Variants in NFIX observed in about 807,000 individuals in gnomAD.
NFIX encodes the protein nuclear factor 1 X-type.
In NFIX, 2 loss-of-function variants were observed where a neutral mutation model predicts 53.3. That is an observed-to-expected ratio of 0.04 (90% CI 0.02 to 0.12). The LOEUF (loss-of-function observed/expected upper bound fraction) is 0.12. NFIX is among the 10% of genes least tolerant of loss of function. NFIX has a pLI of 1.00. For synonymous variants in NFIX, 244 were observed against 289.0 expected, an observed-to-expected ratio of 0.84 and a Z score of 1.58; for missense variants, 310 against 674.5, an observed-to-expected ratio of 0.46 and a Z score of 5.99.
In NFIX at chr19:13,067,270, T is replaced by C. The variant is rs983293273; in HGVS notation, c.560-5777T>C. Among the ~76,000 whole-genome samples, 1 of 152,016 alleles carries C rather than the reference T, an allele frequency of 6.6e-6. No homozygotes were observed. Among genetic ancestry groups the C allele is most frequent in the South Asian group, 2.1e-4 (1 of 4,812 alleles). ...CAGAACAGAATGTACCCCCACTTGC[T>C]TCTGGAATGTCAGGCCTGGGAGGGC... On this transcript the variant is annotated intron_variant, in intron 2 of 10. Coordinates refer to ENST00000592199, the MANE Select transcript of NFIX (RefSeq NM_001365902.3). This position sits in a 1 kb window ranked among gnomAD's most constrained non-coding sequence, Gnocchi z 4.2.
In NFIX at chr19:13,009,719, G is replaced by A. The variant is rs755618062; in HGVS notation, c.27+13855G>A. Reference sequence around the variant, plus strand: ...CAAATGCTACTTGGCTCCAAGTGGGGTACTGATGGGCACTGAAAAACCGAT... The same window carrying A: ...CAAATGCTACTTGGCTCCAAGTGGGATACTGATGGGCACTGAAAAACCGAT... On this transcript the variant is annotated intron_variant, in intron 1 of 10. Coordinates refer to ENST00000592199, the MANE Select transcript of NFIX (RefSeq NM_001365902.3). This position sits in a 1 kb window ranked among gnomAD's most constrained non-coding sequence, Gnocchi z 4.7. Among the ~76,000 whole-genome samples, 9 of 152,228 alleles carry A rather than the reference G, an allele frequency of 5.9e-5. No homozygotes were observed. The highest frequency in any genetic ancestry group is 2.0e-4 in the Admixed American group (3 of 15,284).
At position 13,040,668 on chromosome 19, in the gene NFIX, C is replaced by G; in HGVS notation, c.559+15116C>G. On this transcript the variant is annotated intron_variant, in intron 2 of 10. Coordinates refer to ENST00000592199, the MANE Select transcript of NFIX (RefSeq NM_001365902.3). This position sits in a 1 kb window ranked among gnomAD's most constrained non-coding sequence, Gnocchi z 4.2. ...GTCAGAGATGACTGCCGTCCTCCAG[C>G]TGGTACATGTGCTTGCGGCTCTGGT... Among the ~76,000 whole-genome samples, 1 of 152,194 alleles carries G rather than the reference C, an allele frequency of 6.6e-6. No individual in the cohort carries two copies. Among genetic ancestry groups the G allele is most frequent in the East Asian group, 1.9e-4 (1 of 5,196 alleles).
rs966627632 is a variant in NFIX, at chr19:13,078,113, G to A, written c.956-500G>A. The stretch of plus-strand genomic sequence containing the variant: ...GTCCCTCCTGAGGGCTCATGGCTGT[G>A]TGCTCCCTTCCCTAAACGGGGCCCT... On this transcript the variant is annotated intron_variant, in intron 6 of 10. Coordinates refer to ENST00000592199, the MANE Select transcript of NFIX (RefSeq NM_001365902.3). This position sits in a 1 kb window ranked among gnomAD's most constrained non-coding sequence, Gnocchi z 4.7. 6.6e-6 allele frequency among the ~76,000 whole-genome samples: 1 copy of A among 152,138 alleles called. No individual in the cohort carries two copies. Among genetic ancestry groups the A allele is most frequent in the African/African-American group, 2.4e-5 (1 of 41,428 alleles).
rs575795260 is a variant in NFIX, at chr19:13,073,278, C to A, written c.623-144C>A. The A allele has an allele frequency of 8.7e-5, 80 of 914,630 alleles. No homozygotes were observed. The East Asian group carries it at 1.8e-3, about 21-fold the overall frequency. 56.7% of individuals were successfully genotyped at this position (914,630 alleles called of 1,614,324 possible). ...ATGGGGGCACACCTAGAGGATCCCC[C>A]CTGTTCGGTGTAGACCTGAGGGCTA... On this transcript the variant is annotated intron_variant, in intron 3 of 10. Transcript: ENST00000592199. The surrounding 1 kb of genome is among the most constrained non-coding windows in gnomAD (Gnocchi z 4.5).
At chr19:13,083,444 C>T (rs1273822004) in intron 8 of NFIX, among the ~76,000 whole-genome samples, 1 of 152,196 alleles carries the variant, frequency 6.6e-6, no homozygotes, top group Non-Finnish European at 1.5e-5. Flanking sequence ...GAAAGTGGGT[C>T]ATTTAGTCCC....
chr19:13,095,011 C>T lies in NFIX; in HGVS notation c.*362C>T, dbSNP rs758392157. The T allele has an allele frequency of 1.6e-4, 44 of 268,174 alleles. No individual in the cohort carries two copies. The highest frequency in any genetic ancestry group is 1.3e-3 in the Middle Eastern group (1 of 762). The allele number at this position is 268,174 out of a possible 1,614,324, so 16.6% of individuals were successfully genotyped here. A position where few individuals can be genotyped will look rare whatever the true frequency, so the allele number is the denominator to read the frequency against. ...GCCTTCTGGGGAAGGAACAAAGTCC[C>T]CAAACAAAGCAACCAGCACAATTCT... is the stretch of plus-strand genomic sequence containing the variant. On this transcript the variant is annotated 3_prime_UTR_variant, in exon 11 of 11. Coordinates refer to ENST00000592199, the MANE Select transcript of NFIX (RefSeq NM_001365902.3).
intron 10 of NFIX, among the ~76,000 whole-genome samples, chr19:13,091,275 T>A (rs2018120309): frequency 6.6e-6 from 1 of 151,764 alleles, no homozygotes; most frequent in South Asian, 2.1e-4. Flanking sequence ...CAAGAGCCCC[T>A]GGGGCCACCT....
intron 1 of NFIX, among the ~76,000 whole-genome samples, chr19:13,020,091 C>T (rs1286198451): frequency 3.9e-5 from 6 of 152,096 alleles, no homozygotes; most frequent in South Asian, 2.1e-4. Flanking sequence ...AGCCTTGAAT[C>T]GTATGAGGGA....
At chr19:13,059,807 G>A (rs1268084103) in intron 2 of NFIX, among the ~76,000 whole-genome samples, 3 of 122,322 alleles carry the variant, frequency 2.5e-5, no homozygotes, top group Admixed American at 1.9e-4. Flanking sequence ...TTTTTGAGAC[G>A]GAGTCTCACT....
In NFIX at chr19:12,995,960, G is replaced by C. The variant is rs982567552; in HGVS notation, c.27+96G>C. On this transcript the variant is annotated intron_variant, in intron 1 of 10. Coordinates refer to ENST00000592199, the MANE Select transcript of NFIX (RefSeq NM_001365902.3). ...GAGGGGACGCGCGGCGGCCGGGAAGGGGGGGCCGAGAGCCCGCGGGCCGCC... is the reference window on the plus strand; with the variant it reads ...GAGGGGACGCGCGGCGGCCGGGAAGCGGGGGCCGAGAGCCCGCGGGCCGCC... 5.0e-5 allele frequency: 22 copies of C among 443,432 alleles called. No individual in the cohort carries two copies. The East Asian group carries it at 9.6e-4, about 19-fold the overall frequency. The allele number at this position is 443,432 out of a possible 1,614,324, so 27.5% of individuals were successfully genotyped here.
In NFIX at chr19:13,088,097, ACTGCCCCAGACGGCGCCGC is replaced by A; in HGVS notation, c.1366_1384del (p.Ala456Ter). The A allele has an allele frequency of 6.5e-7, 1 of 1,536,462 alleles. No homozygotes were observed. The highest frequency in any genetic ancestry group is 8.7e-7 in the Non-Finnish European group (1 of 1,146,972). On this transcript the variant is annotated frameshift_variant, in exon 9 of 11. Transcript: ENST00000592199. LOFTEE classifies it high-confidence loss of function. The surrounding 1 kb of genome is among the most constrained non-coding windows in gnomAD (Gnocchi z 5.9). ...TATGCCTGATTCCAAATCCACCAGC[ACTGCCCCAGACGGCGCCGC>A]CTTGACTCCTCCATCACCTTGTAAG...
chr19:13,074,600 G>A (rs571572639), intron 5 of NFIX, among the ~76,000 whole-genome samples: 1 of 152,136 alleles, frequency 6.6e-6, no homozygotes, highest in Non-Finnish European at 1.5e-5. Context: ...GCTAGAGTGG[G>A]GGAGGGCCTG....
In NFIX at chr19:13,025,954, G is replaced by A. The variant is rs909572380; in HGVS notation, c.559+402G>A. Among the ~76,000 whole-genome samples, 2 of 152,180 alleles carry A rather than the reference G, an allele frequency of 1.3e-5. No homozygotes were observed. Among genetic ancestry groups the A allele is most frequent in the African/African-American group, 4.8e-5 (2 of 41,440 alleles). On this transcript the variant is annotated intron_variant, in intron 2 of 10. Transcript: ENST00000592199. The surrounding 1 kb of genome is among the most constrained non-coding windows in gnomAD (Gnocchi z 7.5). ...AATGAGTCAGAAGAAGTATTGAGGG[G>A]CAGGTGCTAGTTTTACTGCAGCTTC... is the stretch of plus-strand genomic sequence containing the variant.
chr19:13,073,549 G>A lies in NFIX; in HGVS notation c.697+53G>A. 1 of 1,473,040 alleles carries A rather than the reference G, an allele frequency of 6.8e-7. No homozygotes were observed. The highest frequency in any genetic ancestry group is 9.5e-7 in the Non-Finnish European group (1 of 1,051,874). 91.2% of individuals were successfully genotyped at this position (1,473,040 alleles called of 1,614,324 possible). A position where few individuals can be genotyped will look rare whatever the true frequency, so the allele number is the denominator to read the frequency against. ...GGATGGGGATTGAAAGTGAGGAGGT[G>A]GGACCTCATGGGATGTCCTCCTAAT... On this transcript the variant is annotated intron_variant, in intron 4 of 10. Transcript: ENST00000592199. The surrounding 1 kb of genome is among the most constrained non-coding windows in gnomAD (Gnocchi z 4.5).
At position 13,022,856 on chromosome 19, in the gene NFIX, A is replaced by G. The variant is rs920472665; in HGVS notation, c.28-2165A>G. ...TTGCTGGGTGGCTGCTGCCAAATGG[A>G]CCCGAGTGGGAGCCTGGAATGAAAA... is the stretch of plus-strand genomic sequence containing the variant. On this transcript the variant is annotated intron_variant, in intron 1 of 10. Transcript: ENST00000592199. This position sits in a 1 kb window ranked among gnomAD's most constrained non-coding sequence, Gnocchi z 4.5. 6.7e-6 allele frequency among the ~76,000 whole-genome samples: 1 copy of G among 149,700 alleles called. No homozygotes were observed. The highest frequency in any genetic ancestry group is 2.4e-5 in the African/African-American group (1 of 40,910).
intron 8 of NFIX, among the ~76,000 whole-genome samples, chr19:13,084,298 G>A (rs767404021): frequency 4.6e-5 from 7 of 152,140 alleles, no homozygotes; most frequent in African/African-American, 7.2e-5. Context: ...CAAAAAATTA[G>A]CTGGACGTGG....
chr19:13,020,142 C>T (rs1361115081), intron 1 of NFIX, among the ~76,000 whole-genome samples: 2 of 152,104 alleles, frequency 1.3e-5, no homozygotes, highest in Non-Finnish European at 2.9e-5. Flanking sequence ...GGATGTAAAG[C>T]GGTCTGATCT....
intron 10 of NFIX, among the ~76,000 whole-genome samples, chr19:13,092,255 C>T (rs1290574716): frequency 6.6e-6 from 1 of 152,220 alleles, no homozygotes; most frequent in Non-Finnish European, 1.5e-5. Flanking sequence ...ATTCCCTGGG[C>T]AGCGCTTTTT....
At position 13,060,274 on chromosome 19, in the gene NFIX, C is replaced by T. The variant is rs1334584422; in HGVS notation, c.560-12773C>T. Among the ~76,000 whole-genome samples, 1 of 152,238 alleles carries T rather than the reference C, an allele frequency of 6.6e-6. No individual in the cohort carries two copies. The highest frequency in any genetic ancestry group is 1.5e-5 in the Non-Finnish European group (1 of 68,040). On this transcript the variant is annotated intron_variant, in intron 2 of 10. Coordinates refer to ENST00000592199, the MANE Select transcript of NFIX (RefSeq NM_001365902.3). The surrounding 1 kb of genome is among the most constrained non-coding windows in gnomAD (Gnocchi z 4.3). ...CCTCTCAGAGGGACCTAGTACAGAG[C>T]CCAGCCCCCACTCTGAGGAAGCCTT...
Sources: gnomAD v4.1 joint callset for allele counts (sites outside exome capture counted in the v4.1 genomes callset) on GRCh38, gnomAD v4.1.1 for gene constraint, Gnocchi (gnomAD v3.1) non-coding constraint, MANE v1.5 for transcripts, NCBI Gene and HGNC (gene_info 2026-07-23, HGNC 2026-07-21) for gene names.